Variants in ZMIZ1 observed in about 807,000 individuals in gnomAD.
The protein encoded by ZMIZ1 is zinc finger MIZ domain-containing protein 1.
A neutral mutation model predicts 113.9 loss-of-function variants in ZMIZ1; 17 were observed. That is an observed-to-expected ratio of 0.15 (90% CI 0.10 to 0.22). The LOEUF (loss-of-function observed/expected upper bound fraction) is 0.22, where lower values mean the gene tolerates loss of function less well. Ranked by LOEUF, ZMIZ1 falls within the 10% of genes least tolerant of loss-of-function variation. ZMIZ1 has a pLI of 1.00. For missense variants in ZMIZ1, 1,059 were observed against 1,477.8 expected, an observed-to-expected ratio of 0.72 and a Z score of 4.65; for synonymous variants, 607 against 603.1, an observed-to-expected ratio of 1.01 and a Z score of -0.09.
chr10:79,238,932 C>A lies in ZMIZ1; in HGVS notation c.280+22658C>A, dbSNP rs573989589. Among the ~76,000 whole-genome samples, 23 of 152,308 alleles carry A rather than the reference C, an allele frequency of 1.5e-4. No individual in the cohort carries two copies. The East Asian group carries it at 4.4e-3, about 29-fold the overall frequency. ...ACACCAGGAGAGCAGAGGCCAGGAT[C>A]CTGCTTGGGCCCCTAGCTCTGTGAC... On this transcript the variant is annotated intron_variant, in intron 7 of 24. Coordinates refer to ENST00000334512, the MANE Select transcript of ZMIZ1 (RefSeq NM_020338.4).
At chr10:79,196,742 G>A (rs926638800) in intron 4 of ZMIZ1, among the ~76,000 whole-genome samples, 2 of 152,236 alleles carry the variant, frequency 1.3e-5, no homozygotes, top group Non-Finnish European at 2.9e-5. Context: ...GGGGCTTCCA[G>A]GCAACAAGCA....
At chr10:79,155,548 G>T (rs773393261) in intron 3 of ZMIZ1, among the ~76,000 whole-genome samples, 1 of 152,234 alleles carries the variant, frequency 6.6e-6, no homozygotes, top group Non-Finnish European at 1.5e-5. Flanking sequence ...GACAAGCCAC[G>T]CATGTGCACC....
At chr10:79,204,464 C>T (rs1848228809) in intron 5 of ZMIZ1, among the ~76,000 whole-genome samples, 1 of 152,204 alleles carries the variant, frequency 6.6e-6, no homozygotes, top group Non-Finnish European at 1.5e-5. Context: ...GCCCTGAACC[C>T]CAGGGGCCCT....
intron 7 of ZMIZ1, among the ~76,000 whole-genome samples, chr10:79,225,240 A>G (rs1236875574): frequency 1.3e-5 from 2 of 152,178 alleles, no homozygotes; most frequent in African/African-American, 4.8e-5. Flanking sequence ...TTATTTCAGT[A>G]CCGCTTGTAT....
chr10:79,071,659 G>C (rs886534579), intron 1 of ZMIZ1, among the ~76,000 whole-genome samples: 9 of 152,152 alleles, frequency 5.9e-5, no homozygotes, highest in African/African-American at 2.2e-4. Flanking sequence ...GGGCCGGGTG[G>C]GTTTGTGAAT....
rs561771788 is a variant in ZMIZ1 at position 79,142,895 on chromosome 10, T to G, written c.-131+3118T>G. Among the ~76,000 whole-genome samples, 5 of 152,326 alleles carry G rather than the reference T, an allele frequency of 3.3e-5. No homozygotes were observed. The South Asian group carries it at 1.0e-3, about 32-fold the overall frequency. On this transcript the variant is annotated intron_variant, in intron 3 of 24. Coordinates refer to ENST00000334512, the MANE Select transcript of ZMIZ1 (RefSeq NM_020338.4). ...GGAAGAGGCACCGAGCAGCTCCCTA[T>G]TGAGCACCTGAGCATGGTGTGGATC...
chr10:79,142,207 A>G (rs931875670), intron 3 of ZMIZ1, among the ~76,000 whole-genome samples: 1 of 152,118 alleles, frequency 6.6e-6, no homozygotes, highest in African/African-American at 2.4e-5. Context: ...GATGCCTTTG[A>G]GACGTTCAAG....
chr10:79,220,427 G>A (rs1848917723), intron 7 of ZMIZ1, among the ~76,000 whole-genome samples: 1 of 152,120 alleles, frequency 6.6e-6, no homozygotes, highest in Non-Finnish European at 1.5e-5. Flanking sequence ...CTACCCCTGG[G>A]CACAGCCCCG....
chr10:79,197,642 A>ACACACACACACACC (rs1330208910), intron 4 of ZMIZ1, among the ~76,000 whole-genome samples: 1 of 145,468 alleles, frequency 6.9e-6, no homozygotes, highest in East Asian at 2.0e-4. Context: ...ACACACACAC[A>ACACACACACACACC]CCTGTACCCT....
In ZMIZ1 at chr10:79,304,471, C is replaced by G. The variant is rs116918285; in HGVS notation, c.2286+296C>G. On this transcript the variant is annotated intron_variant, in intron 19 of 24. Transcript: ENST00000334512. ...TCAGGGCTGATTGGGGGCCCAAGAGCAGGGACACCACTGTCCAGTTCATGC... is the reference window on the plus strand; with the variant it reads ...TCAGGGCTGATTGGGGGCCCAAGAGGAGGGACACCACTGTCCAGTTCATGC... 9.6e-3 allele frequency among the ~76,000 whole-genome samples: 1,458 copies of G among 152,332 alleles called. 20 individuals carry two copies. Among genetic ancestry groups the G allele is most frequent in the Non-Finnish European group, 0.016 (1,082 of 68,028 alleles).
chr10:79,258,769 T>C (rs1851078654), intron 7 of ZMIZ1, among the ~76,000 whole-genome samples: 1 of 152,194 alleles, frequency 6.6e-6, no homozygotes, highest in African/African-American at 2.4e-5. Context: ...ATGGACTGTT[T>C]TCTCTGCATC....
intron 3 of ZMIZ1, among the ~76,000 whole-genome samples, chr10:79,148,924 G>C (rs995710640): frequency 5.3e-5 from 8 of 152,312 alleles, no homozygotes; most frequent in Non-Finnish European, 1.2e-4. Flanking sequence ...GGGTCTGTAC[G>C]TGGCCCCGCC....
chr10:79,260,495 C>T (rs558627228), intron 7 of ZMIZ1, among the ~76,000 whole-genome samples: 34 of 152,258 alleles, frequency 2.2e-4, no homozygotes, highest in African/African-American at 7.9e-4. Flanking sequence ...GCAGAGGTGG[C>T]AAAGTCTCTG....
At position 79,313,969 on chromosome 10, in the gene ZMIZ1, G is replaced by A. The variant is rs1169999469; in HGVS notation, c.*1220G>A. On this transcript the variant is annotated 3_prime_UTR_variant, in exon 25 of 25. Coordinates refer to ENST00000334512, the MANE Select transcript of ZMIZ1 (RefSeq NM_020338.4). The stretch of plus-strand genomic sequence containing the variant: ...CAAGCTGCCCCCGGCTGCAGCCCAG[G>A]CCATGGACATGTGCACCAGTATGTA... 2 of 443,354 alleles carry A rather than the reference G, an allele frequency of 4.5e-6. No individual in the cohort carries two copies. The highest frequency in any genetic ancestry group is 4.7e-5 in the Admixed American group (2 of 42,132). 27.5% of individuals were successfully genotyped at this position (443,354 alleles called of 1,614,324 possible).
chr10:79,269,479 A>ACACG (rs1851810088), intron 7 of ZMIZ1, among the ~76,000 whole-genome samples: 1 of 144,742 alleles, frequency 6.9e-6, no homozygotes, highest in African/African-American at 2.7e-5. Context: ...ACACACACAC[A>ACACG]CACACACACA....
intron 5 of ZMIZ1, among the ~76,000 whole-genome samples, chr10:79,202,732 G>A (rs1022500688): frequency 6.6e-6 from 1 of 152,246 alleles, no homozygotes; most frequent in African/African-American, 2.4e-5. Flanking sequence ...GTGCCCACCT[G>A]CTGGGCCCAG....
At position 79,277,258 on chromosome 10, in the gene ZMIZ1, C is replaced by T. The variant is rs749404009; in HGVS notation, c.358C>T (p.Pro120Ser). 6 of 1,597,538 alleles carry T rather than the reference C, an allele frequency of 3.8e-6. No homozygotes were observed. Among genetic ancestry groups the T allele is most frequent in the South Asian group, 1.1e-5 (1 of 88,818 alleles). The stretch of plus-strand genomic sequence containing the variant: ...TCAGAAGAGCCGCCAGAGCGATCCC[C>T]CTGGGAAACTCCCCATGCAGCCCCC... ...RHQKSRQSDP[P>S]GKLPMQPPLS... Residue 120 changes from proline to serine, a missense_variant, in exon 8 of 25, where the codon CCT becomes TCT. Coordinates refer to ENST00000334512, the MANE Select transcript of ZMIZ1 (RefSeq NM_020338.4).
At chr10:79,167,390 T>C (rs1240012254) in intron 4 of ZMIZ1, among the ~76,000 whole-genome samples, 3 of 152,172 alleles carry the variant, frequency 2.0e-5, no homozygotes, top group Non-Finnish European at 4.4e-5. Context: ...TCCTGTTTCA[T>C]CTTGCAGGTG....
intron 4 of ZMIZ1, among the ~76,000 whole-genome samples, chr10:79,197,923 C>G (rs184952052): frequency 6.6e-6 from 1 of 152,104 alleles, no homozygotes; most frequent in Admixed American, 6.6e-5. Context: ...AATCTCCGCA[C>G]GCCCAACCCA....
Sources: gnomAD v4.1 joint callset for allele counts (sites outside exome capture counted in the v4.1 genomes callset) on GRCh38, gnomAD v4.1.1 for gene constraint, MANE v1.5 for transcripts, NCBI Gene and HGNC (gene_info 2026-07-23, HGNC 2026-07-21) for gene names.